The following BORCS5 variants were observed in gnomAD, a reference collection of about 807,000 sequenced individuals.
The protein encoded by BORCS5 is BLOC-1 related complex subunit 5.
In BORCS5, 17 loss-of-function variants were observed where a neutral mutation model predicts 22.1. The ratio of observed to expected loss-of-function variants is 0.77; its 90% CI spans 0.53 to 1.15. The LOEUF is 1.15. Among genes scored for constraint, BORCS5 ranks in the 50% most tolerant of loss-of-function variants. BORCS5 has a pLI of 0.00. For synonymous variants in BORCS5, 117 were observed against 99.8 expected (o/e 1.17, Z -1.03); for missense variants, 247 against 253.2 (o/e 0.98, Z 0.17).
chr12:12,411,493 CATGTATATAATAA>C (rs1303106817), intron 2 of BORCS5, among the ~76,000 whole-genome samples: 2 of 152,038 alleles, frequency 1.3e-5, no homozygotes, highest in South Asian at 2.1e-4. Context: ...ATATAATATA[CATGTATATAATAA>C]ATGTATATAA....
intron 2 of BORCS5, among the ~76,000 whole-genome samples, chr12:12,377,438 C>G (rs1391700209): frequency 6.6e-6 from 1 of 152,074 alleles, no homozygotes; most frequent in African/African-American, 2.4e-5. Flanking sequence ...CTCAGCCTCC[C>G]AAAGTCCTGA....
At chr12:12,396,859 G>A (rs1592084836) in intron 2 of BORCS5, among the ~76,000 whole-genome samples, 1 of 152,100 alleles carries the variant, frequency 6.6e-6, no homozygotes, top group African/African-American at 2.4e-5. Flanking sequence ...CGGTCTTTCC[G>A]GAACACTAAC....
chr12:12,427,405 A>C (rs375062450), intron 2 of BORCS5, among the ~76,000 whole-genome samples: 26 of 151,964 alleles, frequency 1.7e-4, no homozygotes, highest in South Asian at 4.2e-4. Flanking sequence ...TGGTCTCGAT[A>C]TCCTGACCTT....
chr12:12,445,323 G>A (rs984934750), intron 3 of BORCS5, among the ~76,000 whole-genome samples: 5 of 152,046 alleles, frequency 3.3e-5, no homozygotes, highest in Admixed American at 2.6e-4. Context: ...TTACAGGTGC[G>A]AGTCATCGTG....
chr12:12,367,093 G>A (rs1016757826), intron 2 of BORCS5, among the ~76,000 whole-genome samples: 1 of 152,184 alleles, frequency 6.6e-6, no homozygotes, highest in Non-Finnish European at 1.5e-5. Flanking sequence ...TTTTCATAGT[G>A]GAGCGAAATC....
rs1164356730 is a variant in BORCS5, at chr12:12,415,180, T to TG, written c.203-20443dup. Among the ~76,000 whole-genome samples, 658 of 151,448 alleles carry TG rather than the reference T, an allele frequency of 4.3e-3. 3 individuals are homozygous for TG. Among genetic ancestry groups the TG allele is most frequent in the African/African-American group, 0.014 (591 of 41,270 alleles). On this transcript the variant is annotated intron_variant, in intron 2 of 3. Transcript: ENST00000314565. ...GGCAGAGGCTGCAATCTCGGCACTT[T>TG]GGGGGTCCAAGGCAGGCGGCTGGGA...
intron 2 of BORCS5, among the ~76,000 whole-genome samples, chr12:12,408,313 C>T (rs1428782037): frequency 2.0e-5 from 3 of 152,152 alleles, no homozygotes; most frequent in South Asian, 2.1e-4. Context: ...TGGGTGCATA[C>T]CCAGAGGTGG....
At chr12:12,462,127 C>A (rs1282662773) in intron 3 of BORCS5, among the ~76,000 whole-genome samples, 1 of 152,168 alleles carries the variant, frequency 6.6e-6, no homozygotes, top group Non-Finnish European at 1.5e-5. Flanking sequence ...GCACATGGCA[C>A]GTGATGCTAC....
chr12:12,455,166 G>A (rs1054902602), intron 3 of BORCS5, among the ~76,000 whole-genome samples: 1 of 152,274 alleles, frequency 6.6e-6, no homozygotes, highest in Admixed American at 6.5e-5. Flanking sequence ...ACATATCACT[G>A]CCTGCTCATT....
chr12:12,371,616 T>C (rs1433231027), intron 2 of BORCS5, among the ~76,000 whole-genome samples: 1 of 152,182 alleles, frequency 6.6e-6, no homozygotes, highest in East Asian at 1.9e-4. Flanking sequence ...ATATTGAAAA[T>C]GACAAGTTCA....
At chr12:12,430,611 A>T (rs1400591385) in intron 2 of BORCS5, among the ~76,000 whole-genome samples, 1 of 152,090 alleles carries the variant, frequency 6.6e-6, no homozygotes. Flanking sequence ...TTTTTGTTAA[A>T]ATGAGTTTAT....
chr12:12,445,331 G>C (rs766334872), intron 3 of BORCS5, among the ~76,000 whole-genome samples: 1 of 151,806 alleles, frequency 6.6e-6, no homozygotes, highest in Admixed American at 6.6e-5. Flanking sequence ...GCGAGTCATC[G>C]TGCCTGCCTA....
chr12:12,434,453 T>A (rs1165411292), intron 2 of BORCS5, among the ~76,000 whole-genome samples: 2 of 152,178 alleles, frequency 1.3e-5, no homozygotes, highest in Admixed American at 6.5e-5. Context: ...ATCTCTGAGG[T>A]CAAAACTATG....
chr12:12,369,611 T>C (rs1863477554), intron 2 of BORCS5, among the ~76,000 whole-genome samples: 2 of 151,932 alleles, frequency 1.3e-5, no homozygotes, highest in Non-Finnish European at 2.9e-5. Context: ...GGTTACAATA[T>C]AGTCTTGATA....
At position 12,435,735 on chromosome 12, in the gene BORCS5, G is replaced by T. The variant is rs763721567; in HGVS notation, c.310G>T (p.Ala104Ser). The T allele has an allele frequency of 6.2e-6, 10 of 1,613,912 alleles. No individual in the cohort carries two copies. The highest frequency in any genetic ancestry group is 2.7e-5 in the African/African-American group (2 of 74,914). ...LRYQDHLHQCAEAVAFDQNAL... is the reference protein window; with the variant it reads ...LRYQDHLHQCSEAVAFDQNAL... Reference sequence around the variant, plus strand: ...ATATCAAGATCACCTGCATCAGTGTGCAGAGGCCGTTGCTTTTGACCAGAA... The same window carrying T: ...ATATCAAGATCACCTGCATCAGTGTTCAGAGGCCGTTGCTTTTGACCAGAA... Residue 104 changes from alanine to serine, a missense_variant, in exon 3 of 4, where the codon GCA becomes TCA. Coordinates refer to ENST00000314565, the MANE Select transcript of BORCS5 (RefSeq NM_058169.6).
chr12:12,462,926 G>GGATTACTGA (rs11281117), intron 3 of BORCS5, among the ~76,000 whole-genome samples: 8 of 151,974 alleles, frequency 5.3e-5, no homozygotes, highest in Admixed American at 4.6e-4. Flanking sequence ...CAAAGTTCTG[G>GGATTACTGA]TATGAGCCAC....
chr12:12,363,331 G>A (rs1030721510), intron 2 of BORCS5, among the ~76,000 whole-genome samples: 5 of 151,680 alleles, frequency 3.3e-5, no homozygotes, highest in African/African-American at 7.3e-5. Flanking sequence ...CAGGCGCTGC[G>A]GCTCATGCCT....
At chr12:12,382,336 C>T (rs962736384) in intron 2 of BORCS5, among the ~76,000 whole-genome samples, 3 of 150,906 alleles carry the variant, frequency 2.0e-5, no homozygotes, top group Non-Finnish European at 4.4e-5. Context: ...CTCCCATAAA[C>T]TAATAGAGGG....
In BORCS5 at chr12:12,382,534, CTT is replaced by C. The variant is rs199692677; in HGVS notation, c.202+21202_202+21203del. Among the ~76,000 whole-genome samples the C allele has an allele frequency of 1.1e-3, 146 of 132,382 alleles. 2 individuals carry two copies. The East Asian group carries it at 0.014, about 13-fold the overall frequency. 86.8% of individuals were successfully genotyped at this position (132,382 alleles called of 152,430 possible). ...CTTATGGTTCTATGATGGTATATAT[CTT>C]TTTTTTTTTTTTTTTTGAGACAAAG... On this transcript the variant is annotated intron_variant, in intron 2 of 3. Transcript: ENST00000314565.
Sources: gnomAD v4.1 joint callset for allele counts (sites outside exome capture counted in the v4.1 genomes callset) on GRCh38, gnomAD v4.1.1 for gene constraint, MANE v1.5 for transcripts, NCBI Gene and HGNC (gene_info 2026-07-23, HGNC 2026-07-21) for gene names.